Variants in ELMO1 observed in about 807,000 individuals in gnomAD.
ELMO1 encodes engulfment and cell motility 1, also known as engulfment and cell motility protein 1.
In ELMO1, 26 loss-of-function variants were observed where a neutral mutation model predicts 98.9. The observed-to-expected ratio is 0.26, with a 90% CI of 0.19 to 0.36. The LOEUF (loss-of-function observed/expected upper bound fraction) is 0.36. Ranked by LOEUF, ELMO1 falls within the 10% of genes least tolerant of loss-of-function variation. The pLI is 1.00. For missense variants in ELMO1, 627 were observed against 935.2 expected, an observed-to-expected ratio of 0.67 and a Z score of 4.30; for synonymous variants, 346 against 346.0, an observed-to-expected ratio of 1.00 and a Z score of 0.00.
At chr7:36,978,521 T>C (rs766393237) in intron 16 of ELMO1, among the ~76,000 whole-genome samples, 2 of 152,008 alleles carry the variant, frequency 1.3e-5, no homozygotes, top group Non-Finnish European at 2.9e-5. Context: ...AAAATGTACA[T>C]GTTTCTCAAA....
At chr7:37,435,648 C>T (rs535495385) in intron 1 of ELMO1, among the ~76,000 whole-genome samples, 3 of 152,320 alleles carry the variant, frequency 2.0e-5, no homozygotes, top group Non-Finnish European at 4.4e-5. Context: ...CAGGTCCAGA[C>T]GCCGAGTCTC....
Position 36,894,839 on chromosome 7 carries a change from T to C in ELMO1, c.1601+15A>G, listed in dbSNP as rs769542184. 5 of 1,614,052 alleles carry C rather than the reference T, an allele frequency of 3.1e-6. No individual in the cohort carries two copies. The highest frequency in any genetic ancestry group is 3.4e-6 in the Non-Finnish European group (4 of 1,179,964). On this transcript the variant is annotated intron_variant, in intron 17 of 21. Coordinates refer to ENST00000310758, the MANE Select transcript of ELMO1 (RefSeq NM_014800.11). ...GAGTCTTTTGGGAGATAGAAGTCAA[T>C]ACTAGGTAACTTACAAAATCGGGCG...
chr7:37,199,618 C>T (rs1792170006), intron 13 of ELMO1, among the ~76,000 whole-genome samples: 1 of 152,170 alleles, frequency 6.6e-6, no homozygotes, highest in African/African-American at 2.4e-5. Context: ...AGTAACATAT[C>T]CCATACGAAA....
At chr7:37,028,942 G>A (rs183384223) in intron 15 of ELMO1, among the ~76,000 whole-genome samples, 140 of 152,228 alleles carry the variant, frequency 9.2e-4, no homozygotes, top group Non-Finnish European at 1.6e-3. Flanking sequence ...AACAGCCACT[G>A]TTCTCAGTGT....
chr7:37,177,191 A>G (rs1790542393), intron 13 of ELMO1, among the ~76,000 whole-genome samples: 1 of 152,228 alleles, frequency 6.6e-6, no homozygotes, highest in Non-Finnish European at 1.5e-5. Context: ...GATAAAGCAA[A>G]TCTGAGATTT....
intron 9 of ELMO1, among the ~76,000 whole-genome samples, chr7:37,223,853 G>A (rs574691300): frequency 6.6e-6 from 1 of 152,176 alleles, no homozygotes; most frequent in South Asian, 2.1e-4. Context: ...AATCTGCTTT[G>A]GTAGTTTATA....
At chr7:37,447,006 C>T (rs1302137920) in intron 1 of ELMO1, among the ~76,000 whole-genome samples, 1 of 152,036 alleles carries the variant, frequency 6.6e-6, no homozygotes, top group East Asian at 1.9e-4. Flanking sequence ...CATTATTTTC[C>T]CCCAGATCTG....
At chr7:37,352,537 C>T (rs546779058) in intron 1 of ELMO1, among the ~76,000 whole-genome samples, 8 of 152,138 alleles carry the variant, frequency 5.3e-5, no homozygotes, top group South Asian at 2.1e-4. Context: ...TTTTTTTTAA[C>T]GAAACATCTT....
At chr7:36,919,933 G>T (rs544559221) in intron 16 of ELMO1, among the ~76,000 whole-genome samples, 1 of 152,112 alleles carries the variant, frequency 6.6e-6, no homozygotes, top group Non-Finnish European at 1.5e-5. Flanking sequence ...AATGTGTCAC[G>T]ACTGGGAACG....
rs1490028024 is a variant in ELMO1, at chr7:37,315,980, G to A, written c.79-20C>T. The A allele has an allele frequency of 7.1e-7, 1 of 1,409,820 alleles. No homozygotes were observed. Among genetic ancestry groups the A allele is most frequent in the Non-Finnish European group, 9.3e-7 (1 of 1,078,816 alleles). The allele number at this position is 1,409,820 out of a possible 1,614,324, so 87.3% of individuals were successfully genotyped here. Reference sequence around the variant, plus strand: ...TTTTTTCTGCAAAATAACAAAAAAGGAAATACTTGTTAGTTTCGTTTCATC... The same window carrying A: ...TTTTTTCTGCAAAATAACAAAAAAGAAAATACTTGTTAGTTTCGTTTCATC... On this transcript the variant is annotated intron_variant, in intron 2 of 21. Coordinates refer to ENST00000310758, the MANE Select transcript of ELMO1 (RefSeq NM_014800.11).
chr7:36,961,144 A>G (rs1788916692), intron 16 of ELMO1, among the ~76,000 whole-genome samples: 1 of 152,182 alleles, frequency 6.6e-6, no homozygotes, highest in Admixed American at 6.5e-5. Context: ...AGGCTAGGAA[A>G]AAGTATTTTC....
intron 16 of ELMO1, among the ~76,000 whole-genome samples, chr7:36,964,386 G>C (rs1562861425): frequency 6.6e-6 from 1 of 152,032 alleles, no homozygotes; most frequent in Non-Finnish European, 1.5e-5. Context: ...TATAATAAAG[G>C]GTTAAGTATT....
intron 1 of ELMO1, among the ~76,000 whole-genome samples, chr7:37,364,050 C>G (rs771631505): frequency 3.9e-5 from 6 of 152,172 alleles, no homozygotes; most frequent in Non-Finnish European, 5.9e-5. Flanking sequence ...TAACACTCTG[C>G]CAGGGCCTTA....
chr7:37,302,085 A>T (rs1798380667), intron 4 of ELMO1, among the ~76,000 whole-genome samples: 1 of 152,222 alleles, frequency 6.6e-6, no homozygotes, highest in Non-Finnish European at 1.5e-5. Flanking sequence ...TGGTTTAATT[A>T]AAAAGCCCCC....
intron 1 of ELMO1, among the ~76,000 whole-genome samples, chr7:37,435,584 T>C (rs919045025): frequency 2.0e-5 from 3 of 152,222 alleles, no homozygotes; most frequent in African/African-American, 4.8e-5. Flanking sequence ...AATCTGAGAA[T>C]TTTCACAACT....
intron 1 of ELMO1, chr7:37,375,594 A>C (rs1802304675): frequency 1.8e-6 from 2 of 1,122,260 alleles, no homozygotes; most frequent in Non-Finnish European, 2.7e-6. Flanking sequence ...GGTGGCCAAG[A>C]AGGATGTCCC....
Position 37,229,128 on chromosome 7 carries a change from G to A in ELMO1, c.549+3967C>T, listed in dbSNP as rs570074175. Among the ~76,000 whole-genome samples, 3 of 152,104 alleles carry A rather than the reference G, an allele frequency of 2.0e-5. No homozygotes were observed. In the South Asian group the frequency reaches 6.2e-4, roughly 31 times the overall value. On this transcript the variant is annotated intron_variant, in intron 8 of 21. Transcript: ENST00000310758. ...ATTACCAGGTCTCTAAAGCAAAATGGTGGGATGTTTGTCCAGGCACTGAAA... is the reference window on the plus strand; with the variant it reads ...ATTACCAGGTCTCTAAAGCAAAATGATGGGATGTTTGTCCAGGCACTGAAA...
chr7:37,180,146 C>T (rs762574629), intron 13 of ELMO1, among the ~76,000 whole-genome samples: 11 of 152,086 alleles, frequency 7.2e-5, no homozygotes, highest in African/African-American at 2.7e-4. Context: ...TCTATGATGC[C>T]CGAAACTAAA....
Position 37,317,449 on chromosome 7 carries a change from TAAAGAA to T in ELMO1, c.79-1495_79-1490del, listed in dbSNP as rs1214838111. Among the ~76,000 whole-genome samples the T allele has an allele frequency of 4.6e-5, 7 of 152,216 alleles. No individual in the cohort carries two copies. In the East Asian group the frequency reaches 1.2e-3, roughly 25 times the overall value. On this transcript the variant is annotated intron_variant, in intron 2 of 21. Coordinates refer to ENST00000310758, the MANE Select transcript of ELMO1 (RefSeq NM_014800.11). ...AAGAGTCCATCAACAGATGAATGGATAAAGAAAATGTGGAACATATACACAATGAAG... is the reference window on the plus strand; with the variant it reads ...AAGAGTCCATCAACAGATGAATGGATAATGTGGAACATATACACAATGAAG...
Sources: allele counts gnomAD v4.1 joint callset (sites outside exome capture counted in the v4.1 genomes callset), GRCh38; gene constraint gnomAD v4.1.1; transcripts MANE v1.5; gene names NCBI Gene and HGNC (gene_info 2026-07-23, HGNC 2026-07-21).